JPH3: variants seen among roughly 807,000 people sequenced by gnomAD.
JPH3 encodes the protein junctophilin 3.
JPH3 carries 11 observed loss-of-function variants against 59.6 expected under a neutral mutation model. The observed-to-expected ratio is 0.18, with a 90% CI of 0.12 to 0.31. The LOEUF (loss-of-function observed/expected upper bound fraction) is 0.31, where lower values mean the gene tolerates loss of function less well. Ranked by LOEUF, JPH3 falls within the 10% of genes least tolerant of loss-of-function variation. JPH3 has a pLI of 1.00. For synonymous variants in JPH3, 673 were observed against 483.6 expected (o/e 1.39, Z -5.14); for missense variants, 1,202 against 1,105.7 (o/e 1.09, Z -1.24).
intron 3 of JPH3, among the ~76,000 whole-genome samples, chr16:87,687,106 C>T (rs535311546): frequency 3.9e-5 from 6 of 152,302 alleles, no homozygotes; most frequent in Non-Finnish European, 7.4e-5. Context: ...TTCTTGTTTC[C>T]GCCTTGGATG....
In JPH3 at chr16:87,611,526, G is replaced by A. The variant is rs1284140245; in HGVS notation, c.382+7998G>A. Among the ~76,000 whole-genome samples, 1 of 152,104 alleles carries A rather than the reference G, an allele frequency of 6.6e-6. No homozygotes were observed. Among genetic ancestry groups the A allele is most frequent in the Non-Finnish European group, 1.5e-5 (1 of 68,020 alleles). On this transcript the variant is annotated intron_variant, in intron 1 of 4. Coordinates refer to ENST00000284262, the MANE Select transcript of JPH3 (RefSeq NM_020655.4). This position sits in a 1 kb window ranked among gnomAD's most constrained non-coding sequence, Gnocchi z 4.5. ...TCCCTCCTACCTATGAATGTCACGGGTATTGTTCTGGACCCAGGGAAGGCT... is the reference window on the plus strand; with the variant it reads ...TCCCTCCTACCTATGAATGTCACGGATATTGTTCTGGACCCAGGGAAGGCT...
chr16:87,694,360 A>C (rs1453190413), intron 4 of JPH3: 12 of 152,200 alleles, frequency 7.9e-5, no homozygotes. Context: ...CTTCATCAGG[A>C]GCACAGCCTG....
At chr16:87,691,029 G>A (rs1263388058) in intron 4 of JPH3, among the ~76,000 whole-genome samples, 5 of 152,100 alleles carry the variant, frequency 3.3e-5, no homozygotes, top group Non-Finnish European at 7.4e-5. Flanking sequence ...TGTTGGGGTT[G>A]GAGCCGGCTC....
intron 3 of JPH3, among the ~76,000 whole-genome samples, chr16:87,685,185 C>T (rs1293863572): frequency 6.6e-6 from 1 of 152,222 alleles, no homozygotes; most frequent in African/African-American, 2.4e-5. Flanking sequence ...ACCACATCAT[C>T]TCTAGAGGTG....
At chr16:87,655,380 G>A (rs1199488252) in intron 2 of JPH3, among the ~76,000 whole-genome samples, 1 of 150,288 alleles carries the variant, frequency 6.7e-6, no homozygotes, top group Non-Finnish European at 1.5e-5. Flanking sequence ...ACAGGGTGTT[G>A]TTCTGCTCTG....
chr16:87,685,180 A>T (rs1487234293), intron 3 of JPH3, among the ~76,000 whole-genome samples: 1 of 152,132 alleles, frequency 6.6e-6, no homozygotes, highest in Non-Finnish European at 1.5e-5. Context: ...GCGAGACCAC[A>T]TCATCTCTAG....
At chr16:87,643,504 C>T (rs1043447487) in intron 1 of JPH3, among the ~76,000 whole-genome samples, 3 of 152,188 alleles carry the variant, frequency 2.0e-5, no homozygotes, top group East Asian at 1.9e-4. Flanking sequence ...TTCCTGGATA[C>T]CTCCAGCAAT....
intron 2 of JPH3, among the ~76,000 whole-genome samples, chr16:87,647,701 T>G (rs996553123): frequency 6.6e-6 from 1 of 152,196 alleles, no homozygotes; most frequent in Non-Finnish European, 1.5e-5. Flanking sequence ...CACACGGCTC[T>G]GCACACCACT....
intron 1 of JPH3, among the ~76,000 whole-genome samples, chr16:87,617,830 AGGGGC>A (rs1180620529): frequency 6.6e-6 from 1 of 151,448 alleles, no homozygotes; most frequent in African/African-American, 2.4e-5. Flanking sequence ...TCTGGGTGGA[AGGGGC>A]GGGGCATCTC....
Position 87,689,707 on chromosome 16 carries a change from C to T in JPH3, c.1347C>T (p.Thr449=), listed in dbSNP as rs148323380. ...GTGACGACATCGAGGTGCTGTCCAC[C>T]GGGACACCCCTGCAGCAGGAGAGCC... is the stretch of plus-strand genomic sequence containing the variant. The part of the protein sequence containing the change: ...TSCDDIEVLS[T]GTPLQQESPE... The change falls in exon 4 of 5, where the codon ACC becomes ACT. Residue 449 remains threonine, a synonymous_variant. Transcript: ENST00000284262. The T allele has an allele frequency of 1.1e-5, 18 of 1,612,310 alleles. No individual in the cohort carries two copies. The African/African-American group carries it at 1.2e-4, about 11-fold the overall frequency.
In JPH3 at chr16:87,684,285, G is replaced by C; in HGVS notation, c.1285+19G>C. The C allele has an allele frequency of 1.2e-6, 2 of 1,613,166 alleles. No homozygotes were observed. Among genetic ancestry groups the C allele is most frequent in the African/African-American group, 1.3e-5 (1 of 75,042 alleles). On this transcript the variant is annotated intron_variant, in intron 3 of 4. Transcript: ENST00000284262. ...GAAAACGGTGAGTCTCGCCGGGCCT[G>C]ATACTGGCATCGTGGGGAGGGGGTG...
intron 2 of JPH3, among the ~76,000 whole-genome samples, chr16:87,662,458 C>T (rs887125255): frequency 4.8e-4 from 73 of 151,872 alleles, no homozygotes; most frequent in African/African-American, 1.7e-3. Flanking sequence ...GCATAAGGGC[C>T]TGGGTTTATT....
chr16:87,665,226 A>T (rs1597275492), intron 2 of JPH3, among the ~76,000 whole-genome samples: 1 of 151,914 alleles, frequency 6.6e-6, no homozygotes, highest in Non-Finnish European at 1.5e-5. Context: ...CCCATCCGGG[A>T]CCCCTGAGCC....
At chr16:87,619,659 G>A (rs1437785263) in intron 1 of JPH3, among the ~76,000 whole-genome samples, 1 of 152,220 alleles carries the variant, frequency 6.6e-6, no homozygotes, top group East Asian at 1.9e-4. Context: ...GACGGCTGCA[G>A]GCAGAGGGAG....
rs151153247 is a variant in JPH3 at position 87,649,783 on chromosome 16, A to AAGGTTTATGGCCC, written c.1160+4751_1160+4752insTTTATGGCCCAGG. On this transcript the variant is annotated intron_variant, in intron 2 of 4. Coordinates refer to ENST00000284262, the MANE Select transcript of JPH3 (RefSeq NM_020655.4). ...GGGACCTGCTCAGAACCCCAGGGTGAAGGAGACATCTCAAGTGTGACCCAT... is the reference window on the plus strand; with the variant it reads ...GGGACCTGCTCAGAACCCCAGGGTGAAGGTTTATGGCCCAGGAGACATCTCAAGTGTGACCCAT... Among the ~76,000 whole-genome samples, 33 of 151,512 alleles carry AAGGTTTATGGCCC rather than the reference A, an allele frequency of 2.2e-4. 1 individual carries two copies. Among genetic ancestry groups the AAGGTTTATGGCCC allele is most frequent in the African/African-American group, 8.0e-4 (33 of 41,064 alleles).
At chr16:87,646,637 T>A (rs2032161610) in intron 2 of JPH3, among the ~76,000 whole-genome samples, 1 of 152,234 alleles carries the variant, frequency 6.6e-6, no homozygotes, top group Admixed American at 6.5e-5. Context: ...ATTTCTTTCC[T>A]CTGTGTTTTG....
rs770367531 is a variant in JPH3 at position 87,697,783 on chromosome 16, T to G, written c.*1123T>G. On this transcript the variant is annotated 3_prime_UTR_variant, in exon 5 of 5. Transcript: ENST00000284262. ...ATATCCAGCCCCCTAAAATGTACAA[T>G]GTAACTTGTTCAGTCCAACAAAAAC... 23 of 152,350 alleles carry G rather than the reference T, an allele frequency of 1.5e-4. No individual in the cohort carries two copies. Among genetic ancestry groups the G allele is most frequent in the Non-Finnish European group, 2.8e-4 (19 of 68,038 alleles). 9.4% of individuals were successfully genotyped at this position (152,350 alleles called of 1,614,324 possible).
chr16:87,623,150 C>T (rs891792500), intron 1 of JPH3, among the ~76,000 whole-genome samples: 28 of 152,326 alleles, frequency 1.8e-4, no homozygotes, highest in Non-Finnish European at 3.8e-4. Context: ...GCCTGGGTTC[C>T]AGCGTGGGCC....
intron 1 of JPH3, among the ~76,000 whole-genome samples, chr16:87,618,271 G>A (rs1010796841): frequency 2.0e-5 from 3 of 152,244 alleles, no homozygotes; most frequent in East Asian, 1.9e-4. Flanking sequence ...GCCTAGGGGA[G>A]CCCCAGGACT....
Sources: allele counts gnomAD v4.1 joint callset (sites outside exome capture counted in the v4.1 genomes callset), GRCh38; gene constraint gnomAD v4.1.1; non-coding constraint Gnocchi (gnomAD v3.1); transcripts MANE v1.5; gene names NCBI Gene and HGNC (gene_info 2026-07-23, HGNC 2026-07-21).